Variants in LSAMP observed in about 807,000 individuals in gnomAD.
LSAMP encodes limbic system-associated membrane protein.
A neutral mutation model predicts 38.6 loss-of-function variants in LSAMP; 7 were observed. The observed-to-expected ratio is 0.18, with a 90% CI of 0.10 to 0.34. LSAMP has a LOEUF of 0.34. Among genes scored for constraint, LSAMP ranks in the 10% least tolerant of loss-of-function variants. The pLI is 1.00. For missense variants in LSAMP, 313 were observed against 420.0 expected (o/e 0.75, Z 2.23); for synonymous variants, 154 against 166.8 (o/e 0.92, Z 0.59).
intron 3 of LSAMP, among the ~76,000 whole-genome samples, chr3:115,855,663 A>G (rs558837158): frequency 6.6e-6 from 1 of 152,260 alleles, no homozygotes; most frequent in East Asian, 1.9e-4. Flanking sequence ...ATCTCATCCA[A>G]CAATTCTCCT....
chr3:115,809,205 A>T lies in LSAMP; in HGVS notation c.*1112T>A, dbSNP rs1019728512. 6.6e-6 allele frequency: 1 copy of T among 152,200 alleles called. No homozygotes were observed. Among genetic ancestry groups the T allele is most frequent in the Non-Finnish European group, 1.5e-5 (1 of 68,048 alleles). 9.4% of individuals were successfully genotyped at this position (152,200 alleles called of 1,614,324 possible). On this transcript the variant is annotated 3_prime_UTR_variant, in exon 7 of 7. Coordinates refer to ENST00000490035, the MANE Select transcript of LSAMP (RefSeq NM_002338.5). The stretch of plus-strand genomic sequence containing the variant: ...TCTCCTAGGTCACCTCGTCCACGTC[A>T]TAATTCCTTATGCTGTTTGCTTACC...
intron 1 of LSAMP, among the ~76,000 whole-genome samples, chr3:116,384,505 G>T (rs2048600926): frequency 6.6e-6 from 1 of 152,100 alleles, no homozygotes; most frequent in Non-Finnish European, 1.5e-5. Flanking sequence ...TGAGTCTGCA[G>T]CACACTGGGG....
intron 1 of LSAMP, among the ~76,000 whole-genome samples, chr3:116,131,377 C>A (rs945564448): frequency 6.6e-6 from 1 of 152,054 alleles, no homozygotes; most frequent in Non-Finnish European, 1.5e-5. Flanking sequence ...GCCTGAGCCA[C>A]CAAGCAATGA....
At chr3:115,930,347 A>G (rs1277096281) in intron 3 of LSAMP, among the ~76,000 whole-genome samples, 2 of 152,158 alleles carry the variant, frequency 1.3e-5, no homozygotes, top group East Asian at 1.9e-4. Context: ...AGGGTTAGGT[A>G]CTTTCACTTT....
At chr3:116,438,589 C>T (rs1576226302) in intron 1 of LSAMP, among the ~76,000 whole-genome samples, 1 of 152,126 alleles carries the variant, frequency 6.6e-6, no homozygotes, top group East Asian at 1.9e-4. Flanking sequence ...ATCACATGTT[C>T]ATATATATAA....
intron 1 of LSAMP, among the ~76,000 whole-genome samples, chr3:116,332,591 T>C (rs1051137126): frequency 6.6e-6 from 1 of 152,174 alleles, no homozygotes; most frequent in Non-Finnish European, 1.5e-5. Context: ...AAAACAGTTA[T>C]GAGGCATATA....
At chr3:115,861,039 TTCCTCCCC>T (rs1291625705) in intron 3 of LSAMP, among the ~76,000 whole-genome samples, 24 of 150,276 alleles carry the variant, frequency 1.6e-4, no homozygotes, top group Admixed American at 5.3e-4. Flanking sequence ...TCTTCCTTTT[TTCCTCCCC>T]TCCTCCCCTC....
At chr3:116,021,182 A>C (rs1940628606) in intron 2 of LSAMP, among the ~76,000 whole-genome samples, 1 of 152,118 alleles carries the variant, frequency 6.6e-6, no homozygotes, top group Admixed American at 6.5e-5. Context: ...ATATTTAGCA[A>C]TCTCTATTTA....
intron 3 of LSAMP, among the ~76,000 whole-genome samples, chr3:115,919,587 A>C (rs367885274): frequency 6.6e-6 from 1 of 152,184 alleles, no homozygotes; most frequent in Admixed American, 6.5e-5. Flanking sequence ...TCTTTTCTGC[A>C]TATGAAACTG....
intron 3 of LSAMP, among the ~76,000 whole-genome samples, chr3:115,877,180 G>A (rs1936203079): frequency 6.6e-6 from 1 of 152,014 alleles, no homozygotes; most frequent in South Asian, 2.1e-4. Flanking sequence ...TGACATCCGG[G>A]ATAACAAAAC....
At chr3:116,041,826 A>C (rs1462986772) in intron 2 of LSAMP, among the ~76,000 whole-genome samples, 4 of 151,692 alleles carry the variant, frequency 2.6e-5, no homozygotes, top group Non-Finnish European at 4.4e-5. Context: ...CAAAAAAAAA[A>C]CACCTTGATT....
At chr3:116,316,728 G>C (rs2047633504) in intron 1 of LSAMP, among the ~76,000 whole-genome samples, 2 of 141,538 alleles carry the variant, frequency 1.4e-5, no homozygotes, top group Non-Finnish European at 3.0e-5. Context: ...CTAAGACCAT[G>C]CCATTGCACT....
intron 1 of LSAMP, among the ~76,000 whole-genome samples, chr3:116,238,676 A>T (rs2163505): frequency 0.72 from 109,042 of 151,984 alleles, 40,720 homozygotes; most frequent in South Asian, 0.84. Context: ...TAAGTTTCTA[A>T]TCTGTCTTTG....
intron 6 of LSAMP, among the ~76,000 whole-genome samples, chr3:115,820,575 C>A (rs1934198486): frequency 6.6e-6 from 1 of 152,166 alleles, no homozygotes; most frequent in South Asian, 2.1e-4. Context: ...CTTTCAGATT[C>A]ATTACACCCA....
chr3:116,151,420 A>G (rs1313014953), intron 1 of LSAMP, among the ~76,000 whole-genome samples: 2 of 152,030 alleles, frequency 1.3e-5, no homozygotes, highest in East Asian at 3.9e-4. Flanking sequence ...CAACAAGGAA[A>G]ATAATATATT....
intron 1 of LSAMP, among the ~76,000 whole-genome samples, chr3:116,406,529 T>C (rs1317023606): frequency 6.6e-6 from 1 of 152,118 alleles, no homozygotes; most frequent in Non-Finnish European, 1.5e-5. Flanking sequence ...TTCCTGCCTT[T>C]TTTATTTTTA....
chr3:116,425,776 A>C (rs965195495), intron 1 of LSAMP, among the ~76,000 whole-genome samples: 1 of 152,102 alleles, frequency 6.6e-6, no homozygotes, highest in Non-Finnish European at 1.5e-5. Context: ...GGGGAAAACA[A>C]TAAAGATGAA....
intron 1 of LSAMP, among the ~76,000 whole-genome samples, chr3:116,359,331 T>C (rs2048270234): frequency 6.6e-6 from 1 of 152,188 alleles, no homozygotes. Context: ...AAGATCAAGA[T>C]GCTGAAACTT....
intron 1 of LSAMP, among the ~76,000 whole-genome samples, chr3:116,190,110 C>G (rs907812933): frequency 9.9e-5 from 15 of 150,896 alleles, no homozygotes; most frequent in Admixed American, 2.0e-4. Flanking sequence ...CACACACACA[C>G]ACACACACAC....
Sources: gnomAD v4.1 joint callset for allele counts (sites outside exome capture counted in the v4.1 genomes callset) on GRCh38, gnomAD v4.1.1 for gene constraint, MANE v1.5 for transcripts, NCBI Gene and HGNC (gene_info 2026-07-23, HGNC 2026-07-21) for gene names.